The following TRMT11 variants were observed in gnomAD, a reference collection of about 807,000 sequenced individuals.
TRMT11 encodes the protein tRNA (guanine(10)-N(2))-methyltransferase TRMT11.
A neutral mutation model predicts 62.8 loss-of-function variants in TRMT11; 53 were observed. The observed-to-expected ratio is 0.84, with a 90% CI of 0.68 to 1.06. TRMT11 has a LOEUF of 1.06. TRMT11 is among the 50% of genes least tolerant of loss of function. The pLI, the probability that TRMT11 is intolerant of heterozygous loss-of-function variation, is 0.00. For missense variants in TRMT11, 556 were observed against 553.4 expected (o/e 1.00, Z -0.05); for synonymous variants, 188 against 190.3 (o/e 0.99, Z 0.10).
chr6:126,209,428 A>C, the TRMT11 span, among the ~76,000 whole-genome samples: 1 of 152,074 alleles, frequency 6.6e-6, no homozygotes, highest in Non-Finnish European at 1.5e-5. Context: ...TATTCAAAAT[A>C]CTTTGGTGTA....
chr6:126,065,919 C>A lies in TRMT11; in HGVS notation c.*1437+12729C>A, dbSNP rs11961924. Among the ~76,000 whole-genome samples the A allele has an allele frequency of 8.0e-3, 1,222 of 152,182 alleles. 19 individuals are homozygous for A. The highest frequency in any genetic ancestry group is 0.028 in the African/African-American group (1,160 of 41,496). On this transcript the variant is annotated intron_variant and NMD_transcript_variant, in intron 17 of 22. Coordinates refer to the TRMT11 transcript ENST00000648977. The stretch of plus-strand genomic sequence containing the variant: ...GAATTTATCATGATCATAAAAGGAC[C>A]GTTGCTGAGACAGATGCTCAGACTA...
intron 21 of TRMT11, among the ~76,000 whole-genome samples, chr6:126,151,944 T>TTTCTTTCTTTCC (rs368793532): frequency 9.3e-5 from 1 of 10,762 alleles, no homozygotes; most frequent in African/African-American, 4.5e-4. Flanking sequence ...TCTTTCTTTC[T>TTTCTTTCTTTCC]TTTCTTTCTT....
At chr6:126,094,645 G>C (rs190635512) in intron 17 of TRMT11, among the ~76,000 whole-genome samples, 1 of 152,182 alleles carries the variant, frequency 6.6e-6, no homozygotes, top group Non-Finnish European at 1.5e-5. Context: ...CAAGGATTTC[G>C]TCTAGGCCTG....
the TRMT11 span, among the ~76,000 whole-genome samples, chr6:126,251,116 C>T: frequency 9.9e-5 from 15 of 151,684 alleles, no homozygotes; most frequent in Non-Finnish European, 1.6e-4. Context: ...CTGCAACCTC[C>T]GCCTCCCGGG....
At chr6:126,117,919 T>C (rs1245591337) in intron 21 of TRMT11, among the ~76,000 whole-genome samples, 1 of 152,120 alleles carries the variant, frequency 6.6e-6, no homozygotes, top group Middle Eastern at 3.2e-3. Flanking sequence ...ACGTAAGTTA[T>C]AATATGCGTT....
chr6:126,093,604 TATATATATATATATA>T (rs1777301350), intron 17 of TRMT11, among the ~76,000 whole-genome samples: 1 of 87,380 alleles, frequency 1.1e-5, no homozygotes, highest in African/African-American at 7.0e-5. Context: ...TATATATATA[TATATATATATATATA>T]TATATATATA....
intron 21 of TRMT11, among the ~76,000 whole-genome samples, chr6:126,172,033 T>TA (rs929450556): frequency 1.3e-5 from 2 of 152,126 alleles, no homozygotes; most frequent in Admixed American, 6.5e-5. Context: ...AAGGGCTTTT[T>TA]AAAAAAAGGT....
downstream of TRMT11, among the ~76,000 whole-genome samples, chr6:126,205,244 C>T (rs1401617735): frequency 6.6e-6 from 1 of 152,186 alleles, no homozygotes; most frequent in Non-Finnish European, 1.5e-5. Flanking sequence ...GTGGCTCACG[C>T]CTGTAATCCC....
upstream of TRMT11, among the ~76,000 whole-genome samples, chr6:126,173,084 G>A (rs1342367965): frequency 6.6e-6 from 1 of 152,164 alleles, no homozygotes; most frequent in East Asian, 1.9e-4. Flanking sequence ...CCTACTGTGT[G>A]CCAAACATTA....
intron 11 of TRMT11, 119 bp downstream of exon 11, chr6:126,013,220 C>G (rs1024482876): frequency 1.2e-6 from 1 of 869,506 alleles, no homozygotes; most frequent in Non-Finnish European, 1.7e-6. Flanking sequence ...TTTGTAATAG[C>G]CTTTGTTTGC....
the TRMT11 span, among the ~76,000 whole-genome samples, chr6:126,252,730 G>T: frequency 6.6e-6 from 1 of 152,168 alleles, no homozygotes; most frequent in East Asian, 1.9e-4. Context: ...TTAGGGAAGG[G>T]ACTGTTTTAG....
intron 1 of TRMT11, among the ~76,000 whole-genome samples, chr6:126,181,703 G>T (rs921468956): frequency 6.6e-6 from 1 of 152,082 alleles, no homozygotes; most frequent in African/African-American, 2.4e-5. Flanking sequence ...TTGGCTCTGG[G>T]GATGAAGAAG....
chr6:126,266,311 T>G, the TRMT11 span, among the ~76,000 whole-genome samples: 1 of 152,172 alleles, frequency 6.6e-6, no homozygotes, highest in Non-Finnish European at 1.5e-5. Flanking sequence ...GAGTGAACTT[T>G]TAATATATGA....
chr6:126,017,466 T>C (rs1028479443), intron 11 of TRMT11, among the ~76,000 whole-genome samples: 11 of 152,224 alleles, frequency 7.2e-5, no homozygotes, highest in African/African-American at 2.2e-4. Flanking sequence ...CAGAAACTTC[T>C]GCTGTTCTTT....
At chr6:126,049,804 T>A (rs1171075125) in intron 16 of TRMT11, among the ~76,000 whole-genome samples, 1 of 152,338 alleles carries the variant, frequency 6.6e-6, no homozygotes, top group East Asian at 1.9e-4. Context: ...TACAAATTTT[T>A]TAAAAATTCA....
intron 17 of TRMT11, among the ~76,000 whole-genome samples, chr6:126,063,276 G>A (rs2128129534): frequency 6.6e-6 from 1 of 152,306 alleles, no homozygotes; most frequent in South Asian, 2.1e-4. Context: ...TAAGGACTCA[G>A]TGGGCTTTGT....
intron 17 of TRMT11, among the ~76,000 whole-genome samples, chr6:126,061,321 C>T (rs140157227): frequency 3.2e-4 from 49 of 152,310 alleles, no homozygotes; most frequent in African/African-American, 1.1e-3. Context: ...ACACATGCTA[C>T]AGCTATTGTC....
At chr6:126,004,608 CCTT>C (rs1793061932) in intron 7 of TRMT11, among the ~76,000 whole-genome samples, 1 of 151,928 alleles carries the variant, frequency 6.6e-6, no homozygotes. Flanking sequence ...AGCTCTGTGT[CCTT>C]CTCCATGGCC....
At chr6:126,091,059 A>T (rs1230970598) in intron 17 of TRMT11, among the ~76,000 whole-genome samples, 1 of 151,884 alleles carries the variant, frequency 6.6e-6, no homozygotes, top group Non-Finnish European at 1.5e-5. Context: ...AAAATACAAA[A>T]ATTAGCAGGG....
Sources: gnomAD v4.1 joint callset for allele counts (sites outside exome capture counted in the v4.1 genomes callset) on GRCh38, gnomAD v4.1.1 for gene constraint, MANE v1.5 for transcripts, NCBI Gene and HGNC (gene_info 2026-07-23, HGNC 2026-07-21) for gene names.